GNA13: variants seen among roughly 807,000 people sequenced by gnomAD.
GNA13 encodes the protein guanine nucleotide-binding protein subunit alpha-13.
GNA13 carries 4 observed loss-of-function variants against 33.5 expected under a neutral mutation model. That is an observed-to-expected ratio of 0.12 (90% CI 0.06 to 0.27). The LOEUF is 0.27. GNA13 is among the 10% of genes least tolerant of loss of function. The pLI is 1.00. For missense variants in GNA13, 319 were observed against 487.2 expected (o/e 0.65, Z 3.25); for synonymous variants, 176 against 183.8 (o/e 0.96, Z 0.34).
At chr17:65,029,377 C>A (rs1906918760) in intron 2 of GNA13, among the ~76,000 whole-genome samples, 1 of 152,138 alleles carries the variant, frequency 6.6e-6, no homozygotes, top group Admixed American at 6.5e-5. Flanking sequence ...GGGGTTCTTA[C>A]TATTATACAG....
rs142110435 is a variant in GNA13, at chr17:65,026,752, T to A, written c.511-8449A>T. 1.1e-3 allele frequency among the ~76,000 whole-genome samples: 163 copies of A among 152,244 alleles called. 1 individual carries two copies. Among genetic ancestry groups the A allele is most frequent in the Middle Eastern group, 3.4e-3 (1 of 294 alleles). On this transcript the variant is annotated intron_variant, in intron 2 of 3. Coordinates refer to ENST00000439174, the MANE Select transcript of GNA13 (RefSeq NM_006572.6). Reference sequence around the variant, plus strand: ...GTTATAAAGACATATACATGAACCTTTTCCAAGCACATTCAATTTTTTGTT... The same window carrying A: ...GTTATAAAGACATATACATGAACCTATTCCAAGCACATTCAATTTTTTGTT...
chr17:65,037,019 C>T (rs1223675270), intron 2 of GNA13, among the ~76,000 whole-genome samples: 1 of 152,158 alleles, frequency 6.6e-6, no homozygotes. Flanking sequence ...GGCAGGTATT[C>T]AGTACATGTT....
chr17:65,020,652 G>GA (rs1322350984), intron 2 of GNA13, among the ~76,000 whole-genome samples: 1 of 151,428 alleles, frequency 6.6e-6, no homozygotes, highest in Non-Finnish European at 1.5e-5. Flanking sequence ...TTACTGAAGG[G>GA]AATTTTTTTT....
chr17:65,012,623 T>A lies in GNA13; in HGVS notation c.*1634A>T, dbSNP rs1906234444. ...GAAAAGTCAGGTATGTCAAGAACAA[T>A]CCCTGGTTAGTTCACTGAAAAGCCC... On this transcript the variant is annotated 3_prime_UTR_variant, in exon 4 of 4. Coordinates refer to ENST00000439174, the MANE Select transcript of GNA13 (RefSeq NM_006572.6). The A allele has an allele frequency of 8.7e-6, 2 of 229,030 alleles. No individual in the cohort carries two copies. Among genetic ancestry groups the A allele is most frequent in the East Asian group, 1.2e-4 (2 of 16,102 alleles). The allele number at this position is 229,030 out of a possible 1,614,324, so 14.2% of individuals were successfully genotyped here. A position where few individuals can be genotyped will look rare whatever the true frequency, so the allele number is the denominator to read the frequency against.
Position 65,053,732 on chromosome 17 carries a change from T to G in GNA13, c.284-4A>C. The G allele has an allele frequency of 6.3e-7, 1 of 1,591,008 alleles. No individual in the cohort carries two copies. The highest frequency in any genetic ancestry group is 8.6e-7 in the Non-Finnish European group (1 of 1,162,090). On this transcript the variant is annotated splice_region_variant and splice_polypyrimidine_tract_variant and intron_variant, in intron 1 of 3. Transcript: ENST00000439174. ...GCATCAACCAGCACCCTCATACCTT[T>G]GTTTAAAAAGAAGAAAAAAAATGTA... is the stretch of plus-strand genomic sequence containing the variant.
At chr17:65,035,182 G>C (rs1907196389) in intron 2 of GNA13, among the ~76,000 whole-genome samples, 1 of 152,146 alleles carries the variant, frequency 6.6e-6, no homozygotes, top group South Asian at 2.1e-4. Context: ...TAGCAACATG[G>C]TAATATTTAC....
In GNA13 at chr17:65,011,830, A is replaced by G. The variant is rs1012466470; in HGVS notation, c.*2427T>C. On this transcript the variant is annotated 3_prime_UTR_variant, in exon 4 of 4. Transcript: ENST00000439174. ...TTTTCAATTCTGTTCACTAAATTTC[A>G]TCTCTCTCTTCATATAGTGGTATTT... The G allele has an allele frequency of 4.0e-5, 9 of 226,176 alleles. No homozygotes were observed. The highest frequency in any genetic ancestry group is 7.0e-5 in the Non-Finnish European group (8 of 113,728). 14.0% of individuals were successfully genotyped at this position (226,176 alleles called of 1,614,324 possible).
rs1281059572 is a variant in GNA13 at position 65,056,577 on chromosome 17, G to A, written c.17C>T (p.Pro6Leu). 1.2e-6 allele frequency: 2 copies of A among 1,604,786 alleles called. No homozygotes were observed. The highest frequency in any genetic ancestry group is 1.7e-6 in the Non-Finnish European group (2 of 1,177,156). ...GCACACGGACAGCACGGACCGCGAC[G>A]GCAGGAAGTCCGCCATCTTGCCGCC... MADFL[P>L]SRSVLSVCFP... The change falls in exon 1 of 4, where the codon CCG becomes CTG. Residue 6 changes from proline to leucine, a missense_variant. Physicochemically the swap from Pro to Leu is moderately conservative, Grantham distance 98. This residue lies in a region of GNA13 where 47 missense variants were observed against 64.7 expected (regional missense o/e 0.73). Coordinates refer to ENST00000439174, the MANE Select transcript of GNA13 (RefSeq NM_006572.6).
At chr17:65,031,541 T>A (rs1907010945) in intron 2 of GNA13, among the ~76,000 whole-genome samples, 1 of 152,236 alleles carries the variant, frequency 6.6e-6, no homozygotes. Context: ...ACTGGAAATC[T>A]AAGTTTATTC....
At chr17:65,034,856 G>A (rs1274537166) in intron 2 of GNA13, among the ~76,000 whole-genome samples, 1 of 152,134 alleles carries the variant, frequency 6.6e-6, no homozygotes, top group Non-Finnish European at 1.5e-5. Flanking sequence ...CACGATCTCA[G>A]CTCACTGAAA....
Position 65,012,102 on chromosome 17 carries a change from A to AT in GNA13, c.*2154dup, listed in dbSNP as rs1239693403. On this transcript the variant is annotated 3_prime_UTR_variant, in exon 4 of 4. Transcript: ENST00000439174. ...AACTGCAAATGCCCAAAATAACATG[A>AT]TATCTATTTGGTGTTTCAACACTTC... The AT allele has an allele frequency of 1.8e-5, 4 of 227,274 alleles. No homozygotes were observed. In the Admixed American group the frequency reaches 2.3e-4, roughly 13 times the overall value. 14.1% of individuals were successfully genotyped at this position (227,274 alleles called of 1,614,324 possible).
chr17:65,055,932 A>G (rs2017599), intron 1 of GNA13, among the ~76,000 whole-genome samples: 139,365 of 152,056 alleles, frequency 0.92, 65,131 homozygotes, highest in East Asian at 1. Flanking sequence ...TAGGGCTGCT[A>G]TTGGTGTTCC....
chr17:65,014,179 ACTG>A lies in GNA13; in HGVS notation c.*75_*77del. 5 of 793,442 alleles carry A rather than the reference ACTG, an allele frequency of 6.3e-6. No individual in the cohort carries two copies. The highest frequency in any genetic ancestry group is 1.0e-5 in the Non-Finnish European group (5 of 482,308). The allele number at this position is 793,442 out of a possible 1,614,324, so 49.2% of individuals were successfully genotyped here. A position where few individuals can be genotyped will look rare whatever the true frequency, so the allele number is the denominator to read the frequency against. ...AAGATTGTTCTAATTCTGGTTGTAA[ACTG>A]CTATTTTAAAAAACAAAACAAACAG... On this transcript the variant is annotated 3_prime_UTR_variant, in exon 4 of 4. Transcript: ENST00000439174. The surrounding 1 kb of genome is among the most constrained non-coding windows in gnomAD (Gnocchi z 5.3).
chr17:65,024,765 C>CA (rs1458434342), intron 2 of GNA13, among the ~76,000 whole-genome samples: 12 of 152,170 alleles, frequency 7.9e-5, no homozygotes, highest in Non-Finnish European at 1.6e-4. Context: ...ATATTTTACT[C>CA]AAAACTAGAT....
chr17:65,047,767 C>T (rs145590596), intron 2 of GNA13, among the ~76,000 whole-genome samples: 1 of 151,988 alleles, frequency 6.6e-6, no homozygotes, highest in East Asian at 1.9e-4. Context: ...GCTGGGACTA[C>T]AGGAGCTTCA....
chr17:65,028,954 C>CAAAAAG (rs1555601671), intron 2 of GNA13, among the ~76,000 whole-genome samples: 1 of 145,906 alleles, frequency 6.9e-6, no homozygotes, highest in African/African-American at 2.6e-5. Flanking sequence ...GAGGTAGAAA[C>CAAAAAG]AAAAAGAAAA....
chr17:65,031,426 C>T (rs910088572), intron 2 of GNA13, among the ~76,000 whole-genome samples: 1 of 152,112 alleles, frequency 6.6e-6, no homozygotes, highest in Non-Finnish European at 1.5e-5. Flanking sequence ...TAGCTAAGCC[C>T]AATGGTTTAA....
Position 65,053,649 on chromosome 17 carries a change from C to T in GNA13, c.363G>A (p.Lys121=), listed in dbSNP as rs751359082. 2 of 1,613,828 alleles carry T rather than the reference C, an allele frequency of 1.2e-6. No homozygotes were observed. The highest frequency in any genetic ancestry group is 2.7e-5 in the African/African-American group (2 of 74,866). The change falls in exon 2 of 4, where the codon AAG becomes AAA. Residue 121 remains lysine, a synonymous_variant. Transcript: ENST00000439174. Reference sequence around the variant, plus strand: ...GGGCCCGGGTATCAAACGACATCATCTTATCTCCATGTTGTTGGTTTGAGT... The same window carrying T: ...GGGCCCGGGTATCAAACGACATCATTTTATCTCCATGTTGTTGGTTTGAGT... The part of the protein sequence containing the change: ...GDNSNQQHGD[K]MMSFDTRAPM...
chr17:65,024,541 C>A (rs1276556302), intron 2 of GNA13, among the ~76,000 whole-genome samples: 1 of 152,236 alleles, frequency 6.6e-6, no homozygotes, highest in Non-Finnish European at 1.5e-5. Context: ...CTTCCCTTGG[C>A]ACGCAGTGCC....
Sources: allele counts gnomAD v4.1 joint callset (sites outside exome capture counted in the v4.1 genomes callset), GRCh38; gene constraint gnomAD v4.1.1; regional missense constraint gnomAD v4.1.1; non-coding constraint Gnocchi (gnomAD v3.1); transcripts MANE v1.5; gene names NCBI Gene and HGNC (gene_info 2026-07-23, HGNC 2026-07-21).